RAD51D: variants seen among roughly 807,000 people sequenced by gnomAD.
The protein encoded by RAD51D is RAD51 paralog D.
RAD51D carries 38 observed loss-of-function variants against 44.1 expected under a neutral mutation model. That is an observed-to-expected ratio of 0.86 (90% CI 0.67 to 1.13). RAD51D has a LOEUF of 1.13. Ranked by LOEUF, RAD51D falls within the 50% of genes most tolerant of loss-of-function variation. The pLI is 0.00. For synonymous variants in RAD51D, 141 were observed against 166.6 expected, an observed-to-expected ratio of 0.85 and a Z score of 1.18; for missense variants, 390 against 414.0, an observed-to-expected ratio of 0.94 and a Z score of 0.50.
At chr17:35,105,719 G>A (rs779065843) in intron 6 of RAD51D, among the ~76,000 whole-genome samples, 28 of 152,016 alleles carry the variant, frequency 1.8e-4, no homozygotes, top group Non-Finnish European at 3.5e-4. Context: ...TGTGTTCAGC[G>A]ACTGGGCAGA....
intron 6 of RAD51D, among the ~76,000 whole-genome samples, chr17:35,104,536 A>C (rs998197381): frequency 1.3e-5 from 2 of 152,154 alleles, no homozygotes; most frequent in Non-Finnish European, 2.9e-5. Context: ...CATTGGGTGC[A>C]CACTACGGGT....
rs1184828784 is a variant in RAD51D at position 35,119,819 on chromosome 17, G to A, written c.-206C>T. 2 of 694,570 alleles carry A rather than the reference G, an allele frequency of 2.9e-6. No homozygotes were observed. The highest frequency in any genetic ancestry group is 2.0e-5 in the Admixed American group (1 of 49,182). The allele number at this position is 694,570 out of a possible 1,614,324, so 43.0% of individuals were successfully genotyped here. On this transcript the variant is annotated 5_prime_UTR_variant, in exon 1 of 10. Coordinates refer to ENST00000345365, the MANE Select transcript of RAD51D (RefSeq NM_002878.4). ...GCCCGGGATCCGCCGGGATTCCCGC[G>A]CCCAGAGCCCGCCCGCCGGGTCGCG...
Position 35,113,989 on chromosome 17 carries a change from T to C in RAD51D, c.263+4512A>G, listed in dbSNP as rs749029522. Among the ~76,000 whole-genome samples, 4 of 152,002 alleles carry C rather than the reference T, an allele frequency of 2.6e-5. No homozygotes were observed. The East Asian group carries it at 7.7e-4, about 29-fold the overall frequency. On this transcript the variant is annotated intron_variant, in intron 3 of 9. Coordinates refer to ENST00000345365, the MANE Select transcript of RAD51D (RefSeq NM_002878.4). ...TGCCTGCACATTAAAATCAGGGGAG[T>C]TGGCTGGACGCAGTGGCTCTCGCCT...
chr17:35,111,142 T>G (rs1391460198), intron 3 of RAD51D, among the ~76,000 whole-genome samples: 199 of 121,116 alleles, frequency 1.6e-3, no homozygotes, highest in African/African-American at 5.4e-3. Flanking sequence ...ACTTTGGGAG[T>G]CCGAGGCGGG....
intron 8 of RAD51D, among the ~76,000 whole-genome samples, chr17:35,102,256 C>T (rs1230457053): frequency 1.3e-5 from 2 of 151,894 alleles, no homozygotes; most frequent in East Asian, 3.9e-4. Context: ...CAGCTCACTG[C>T]AGCCTCGATC....
chr17:35,118,217 A>G (rs975512952), intron 3 of RAD51D, among the ~76,000 whole-genome samples: 2 of 152,134 alleles, frequency 1.3e-5, no homozygotes, highest in Non-Finnish European at 2.9e-5. Flanking sequence ...ACTGGCATCT[A>G]GTGGGCAGAG....
rs11870912 is a variant in RAD51D at position 35,097,900 on chromosome 17, G to C, written c.*3053C>G. 6.6e-6 allele frequency: 1 copy of C among 152,488 alleles called. No individual in the cohort carries two copies. The highest frequency in any genetic ancestry group is 1.5e-5 in the Non-Finnish European group (1 of 68,182). 9.4% of individuals were successfully genotyped at this position (152,488 alleles called of 1,614,324 possible). On this transcript the variant is annotated 3_prime_UTR_variant, in exon 10 of 10. Transcript: ENST00000345365. ...CCAGACACAGTGGGAGCTGGGCAGA[G>C]ACAGACACATAAGCAAAGGGAGCAA... is the stretch of plus-strand genomic sequence containing the variant.
rs2091566871 is a variant in RAD51D at position 35,103,658 on chromosome 17, C to T, written c.577-114G>A. On this transcript the variant is annotated intron_variant, in intron 6 of 9. Coordinates refer to ENST00000345365, the MANE Select transcript of RAD51D (RefSeq NM_002878.4). This position sits in a 1 kb window ranked among gnomAD's most constrained non-coding sequence, Gnocchi z 4.1. ...AGAAATAGCCCCCCCATCCCAAATA[C>T]AGCAAGCTGCACGGGCATCACAGAA... 1.7e-5 allele frequency: 13 copies of T among 762,206 alleles called. 1 individual carries two copies. In the South Asian group the frequency reaches 1.8e-4, roughly 10 times the overall value. The allele number at this position is 762,206 out of a possible 1,614,324, so 47.2% of individuals were successfully genotyped here.
rs1408117986 is a variant in RAD51D, at chr17:35,100,481, TAAGG to T, written c.*468_*471del. On this transcript the variant is annotated 3_prime_UTR_variant, in exon 10 of 10. Coordinates refer to ENST00000345365, the MANE Select transcript of RAD51D (RefSeq NM_002878.4). ...CCACCCAGTAACTCAGAGACAGAGC[TAAGG>T]AAGAGTGGGCCCCCATCTAACAAAT... 3 of 535,176 alleles carry T rather than the reference TAAGG, an allele frequency of 5.6e-6. No homozygotes were observed. Among genetic ancestry groups the T allele is most frequent in the Non-Finnish European group, 1.1e-5 (3 of 277,274 alleles). 33.2% of individuals were successfully genotyped at this position (535,176 alleles called of 1,614,324 possible).
chr17:35,119,688 C>A lies in RAD51D; in HGVS notation c.-75G>T. ...ATTCGCGGGGGGTCCTCTCCAGACG[C>A]CCCTCCCCTACCCCTTCCTAGAGAG... On this transcript the variant is annotated 5_prime_UTR_variant, in exon 1 of 10. Coordinates refer to ENST00000345365, the MANE Select transcript of RAD51D (RefSeq NM_002878.4). 1 of 1,463,954 alleles carries A rather than the reference C, an allele frequency of 6.8e-7. No homozygotes were observed. Among genetic ancestry groups the A allele is most frequent in the Non-Finnish European group, 9.5e-7 (1 of 1,056,428 alleles). 90.7% of individuals were successfully genotyped at this position (1,463,954 alleles called of 1,614,324 possible). A position where few individuals can be genotyped will look rare whatever the true frequency, so the allele number is the denominator to read the frequency against.
intron 1 of RAD51D, 98 bp from the exon 2 acceptor site, chr17:35,119,270 C>A (rs932862838): frequency 2.5e-6 from 3 of 1,186,430 alleles, no homozygotes; most frequent in Non-Finnish European, 3.8e-6. Context: ...ATTCTACCCC[C>A]CGGCAGGCCG....
At chr17:35,117,167 G>C (rs763309104) in intron 3 of RAD51D, 1,021 of 1,003,858 alleles carry the variant, frequency 1.0e-3, no homozygotes, top group Non-Finnish European at 1.4e-3. Flanking sequence ...CACCCAACTA[G>C]AGGCCTTAAG....
At position 35,103,106 on chromosome 17, in the gene RAD51D, A is replaced by AT; in HGVS notation, c.738+147dup. 2.7e-6 allele frequency: 2 copies of AT among 728,854 alleles called. No individual in the cohort carries two copies. The highest frequency in any genetic ancestry group is 4.9e-6 in the Non-Finnish European group (2 of 408,186). The allele number at this position is 728,854 out of a possible 1,614,324, so 45.1% of individuals were successfully genotyped here. A position where few individuals can be genotyped will look rare whatever the true frequency, so the allele number is the denominator to read the frequency against. On this transcript the variant is annotated intron_variant, in intron 8 of 9. Coordinates refer to ENST00000345365, the MANE Select transcript of RAD51D (RefSeq NM_002878.4). This position sits in a 1 kb window ranked among gnomAD's most constrained non-coding sequence, Gnocchi z 4.1. Reference sequence around the variant, plus strand: ...CGATTCCTGATTCCCTTAGCTATTTATGGTGCAAAGCTGTAGCTGACCCAG... The same window carrying AT: ...CGATTCCTGATTCCCTTAGCTATTTATTGGTGCAAAGCTGTAGCTGACCCAG...
chr17:35,105,044 A>G (rs1438342501), intron 6 of RAD51D: 2 of 152,106 alleles, frequency 1.3e-5, no homozygotes, highest in Non-Finnish European at 1.5e-5. Context: ...GTAACTTATT[A>G]TGCAATAATA....
rs1403815865 is a variant in RAD51D, at chr17:35,097,980, AGT to A, written c.*2971_*2972del. The A allele has an allele frequency of 6.6e-6, 1 of 151,998 alleles. No homozygotes were observed. Among genetic ancestry groups the A allele is most frequent in the East Asian group, 1.9e-4 (1 of 5,198 alleles). 9.4% of individuals were successfully genotyped at this position (151,998 alleles called of 1,614,324 possible). On this transcript the variant is annotated 3_prime_UTR_variant, in exon 10 of 10. Transcript: ENST00000345365. ...CCCAAGTCCTACCAGGGGACTGCAC[AGT>A]GTGGTGTGGCCGGAACAGAGTGCAG...
In RAD51D at chr17:35,107,438, T is replaced by G; in HGVS notation, c.273A>C (p.Lys91Asn). The stretch of plus-strand genomic sequence containing the variant: ...CAGTATAGAGACCAGCATCAAGCAG[T>G]TTATCAAGACTGATGGCAGAAGAGA... Reference protein sequence around the residue: ...ILSTGIGSLDKLLDAGLYTGE... With the variant: ...ILSTGIGSLDNLLDAGLYTGE... Residue 91 changes from lysine (K) to asparagine (N), a missense_variant, in exon 4 of 10, where the codon AAA (lysine) becomes AAC (asparagine). Physicochemically the swap from Lys to Asn is moderately conservative, Grantham distance 94. Transcript: ENST00000345365. 6.5e-7 allele frequency: 1 copy of G among 1,550,170 alleles called. No individual in the cohort carries two copies. Among genetic ancestry groups the G allele is most frequent in the Non-Finnish European group, 8.9e-7 (1 of 1,121,966 alleles).
intron 8 of RAD51D, among the ~76,000 whole-genome samples, chr17:35,102,934 T>A (rs1440754362): frequency 6.6e-6 from 1 of 152,222 alleles, no homozygotes; most frequent in African/African-American, 2.4e-5. Flanking sequence ...GGGGACCTTT[T>A]GGTGGGGTCA....
chr17:35,110,833 G>A (rs140732803), intron 3 of RAD51D, among the ~76,000 whole-genome samples: 434 of 152,342 alleles, frequency 2.8e-3, no homozygotes, highest in Non-Finnish European at 5.1e-3. Context: ...CAGGCTGGGC[G>A]CGGTGGCTCA....
intron 1 of RAD51D, 80 bp from the exon 2 acceptor site, chr17:35,119,252 G>A: frequency 1.7e-5 from 22 of 1,324,292 alleles, no homozygotes; most frequent in Non-Finnish European, 2.4e-5. Context: ...CTGTCAAATG[G>A]GGTGTCAATT....
Sources: gnomAD v4.1 joint callset for allele counts (sites outside exome capture counted in the v4.1 genomes callset) on GRCh38, gnomAD v4.1.1 for gene constraint, Gnocchi (gnomAD v3.1) non-coding constraint, MANE v1.5 for transcripts, NCBI Gene and HGNC (gene_info 2026-07-23, HGNC 2026-07-21) for gene names.